Variants in HELLS observed in about 807,000 individuals in gnomAD.
The protein encoded by HELLS is helicase, lymphoid specific, also known as lymphoid-specific helicase.
HELLS carries 32 observed loss-of-function variants against 120.0 expected under a neutral mutation model. That is an observed-to-expected ratio of 0.27 (90% CI 0.20 to 0.36). HELLS has a LOEUF of 0.36. Among genes scored for constraint, HELLS ranks in the 10% least tolerant of loss-of-function variants. The pLI is 1.00. For synonymous variants in HELLS, 341 were observed against 323.4 expected (o/e 1.05, Z -0.58); for missense variants, 650 against 993.4 (o/e 0.65, Z 4.65).
intron 10 of HELLS, among the ~76,000 whole-genome samples, chr10:94,579,605 G>C (rs138667754): frequency 6.6e-6 from 1 of 151,424 alleles, no homozygotes; most frequent in East Asian, 1.9e-4. Context: ...CCTGTGGCAC[G>C]ATCTCAGCTC....
At chr10:94,599,010 A>C (rs1388410692) in intron 21 of HELLS, among the ~76,000 whole-genome samples, 1 of 152,032 alleles carries the variant, frequency 6.6e-6, no homozygotes, top group Non-Finnish European at 1.5e-5. Flanking sequence ...ATTCTGTCCC[A>C]TTGATCTCTG....
At chr10:94,608,860 C>T (rs1053111783) in intron 9 of HELLS, among the ~76,000 whole-genome samples, 1 of 152,016 alleles carries the variant, frequency 6.6e-6, no homozygotes, top group Non-Finnish European at 1.5e-5. Flanking sequence ...GTTGCAACTT[C>T]TGGCGGCTGC....
downstream of HELLS, among the ~76,000 whole-genome samples, chr10:94,604,034 G>T (rs1480901928): frequency 6.6e-6 from 1 of 151,430 alleles, no homozygotes; most frequent in Non-Finnish European, 1.5e-5. Flanking sequence ...CACCATGTTG[G>T]TAAGGCTGGT....
chr10:94,574,655 A>G lies in HELLS; in HGVS notation c.807A>G (p.Gly269=), dbSNP rs762500880. The change falls in exon 9 of 22, where the codon GGA becomes GGG. Residue 269 remains glycine, a synonymous_variant. Transcript: ENST00000348459. ...IATIALMIQR[G]VPGPFLVCGP... is the part of the protein sequence containing the mutation. ...CTATTGCATTGATGATTCAGAGAGGAGTACCAGGACCTTTTCTTGTCTGTG... is the reference window on the plus strand; with the variant it reads ...CTATTGCATTGATGATTCAGAGAGGGGTACCAGGACCTTTTCTTGTCTGTG... 1.2e-6 allele frequency: 2 copies of G among 1,613,852 alleles called. No individual in the cohort carries two copies. Among genetic ancestry groups the G allele is most frequent in the Non-Finnish European group, 8.5e-7 (1 of 1,179,812 alleles).
intron 7 of HELLS, among the ~76,000 whole-genome samples, chr10:94,572,566 C>T (rs547095010): frequency 6.6e-6 from 1 of 152,322 alleles, no homozygotes; most frequent in South Asian, 2.1e-4. Context: ...ACAATTTTCT[C>T]ATCCATCCCC....
intron 6 of HELLS, among the ~76,000 whole-genome samples, chr10:94,568,441 A>T (rs1470434715): frequency 6.6e-6 from 1 of 152,112 alleles, no homozygotes; most frequent in Admixed American, 6.6e-5. Context: ...TTAGGAGGTT[A>T]TCTGAATTTC....
rs1158595486 is a variant in HELLS, at chr10:94,590,487, A to G, written c.1563A>G (p.Ile521Met). ...RTRKSINYSK[I>M]DDFPNELEKL... is the part of the protein sequence containing the mutation. The stretch of plus-strand genomic sequence containing the variant: ...GAAAATCAATAAATTACAGCAAAAT[A>G]GATGATTTCCCTAATGAATTGGAAA... Residue 521 changes from isoleucine to methionine, a missense_variant, in exon 14 of 22, where the codon ATA becomes ATG. By Grantham distance (10) the Ile-to-Met change is conservative. Coordinates refer to ENST00000348459, the MANE Select transcript of HELLS (RefSeq NM_018063.5). The G allele has an allele frequency of 1.9e-6, 3 of 1,612,632 alleles. No homozygotes were observed. The highest frequency in any genetic ancestry group is 3.4e-5 in the Admixed American group (2 of 59,670).
chr10:94,575,769 GTTTGTGTGT>G, intron 9 of HELLS, among the ~76,000 whole-genome samples: 1 of 89,760 alleles, frequency 1.1e-5, no homozygotes, highest in East Asian at 4.3e-4. Context: ...GGGGGGTTGT[GTTTGTGTGT>G]GTGTGTGTGT....
chr10:94,553,407 T>G (rs929502413), intron 2 of HELLS, among the ~76,000 whole-genome samples: 1 of 143,400 alleles, frequency 7.0e-6, no homozygotes, highest in African/African-American at 2.6e-5. Flanking sequence ...CGCCACCACG[T>G]CCTGCTAATT....
intron 3 of HELLS, among the ~76,000 whole-genome samples, chr10:94,555,620 ATCTTTCTTTCTT>A (rs957863203): frequency 2.0e-5 from 3 of 151,684 alleles, no homozygotes. Flanking sequence ...ATATGTTGTA[ATCTTTCTTTCTT>A]TCTTTCTTTT....
At chr10:94,591,930 G>C (rs986940004) in intron 15 of HELLS, among the ~76,000 whole-genome samples, 1 of 152,196 alleles carries the variant, frequency 6.6e-6, no homozygotes, top group Admixed American at 6.5e-5. Flanking sequence ...ATAAGCCTGA[G>C]TATGTACCCA....
chr10:94,604,160 C>T (rs117473317), downstream of HELLS, among the ~76,000 whole-genome samples: 4,214 of 144,922 alleles, frequency 0.029, 94 homozygotes, highest in South Asian at 0.046. Flanking sequence ...AGTTTCACTT[C>T]GTCACCTGGG....
intron 6 of HELLS, among the ~76,000 whole-genome samples, chr10:94,565,678 G>A (rs1843755832): frequency 2.0e-5 from 3 of 152,146 alleles, no homozygotes. Flanking sequence ...CAACAAGAGT[G>A]AAATTCCATC....
At chr10:94,605,558 T>A (rs1206506168), downstream of HELLS, among the ~76,000 whole-genome samples, 1 of 152,060 alleles carries the variant, frequency 6.6e-6, no homozygotes, top group African/African-American at 2.4e-5. Context: ...GATTTTAGAG[T>A]AGGAATTATT....
At chr10:94,571,198 C>A in intron 6 of HELLS, 190 bp from the exon 7 acceptor site, 1 of 444,390 alleles carries the variant, frequency 2.3e-6, no homozygotes. Flanking sequence ...CCAAATTAGC[C>A]TAGAATGTTA....
At position 94,574,091 on chromosome 10, in the gene HELLS, G is replaced by T; in HGVS notation, c.609G>T (p.Arg203=). 6.2e-7 allele frequency: 1 copy of T among 1,614,000 alleles called. No homozygotes were observed. Among genetic ancestry groups the T allele is most frequent in the Non-Finnish European group, 8.5e-7 (1 of 1,179,936 alleles). ...CTAAATTCTTTTTTGACCCAGTCCG[G>T]AAGTGTAATGGTCAGCCAGTACCTT... ...QNTKFFFDPV[R]KCNGQPVPFQ... The change falls in exon 8 of 22, where the codon CGG becomes CGT. Residue 203 remains arginine, a synonymous_variant. Transcript: ENST00000348459.
chr10:94,590,372 A>G, intron 13 of HELLS, 41 bp from the exon 14 acceptor site: 1 of 1,549,554 alleles, frequency 6.5e-7, no homozygotes, highest in South Asian at 1.2e-5. Flanking sequence ...CTAAGGACAT[A>G]GCTTTATAAA....
At chr10:94,587,036 A>G (rs1281708544) in intron 12 of HELLS, among the ~76,000 whole-genome samples, 4 of 152,024 alleles carry the variant, frequency 2.6e-5, no homozygotes, top group Non-Finnish European at 4.4e-5. Flanking sequence ...GTGCTCTTTT[A>G]GTGACCCGAA....
chr10:94,551,153 T>C (rs1396842871), intron 2 of HELLS, among the ~76,000 whole-genome samples: 2 of 152,250 alleles, frequency 1.3e-5, no homozygotes, highest in African/African-American at 4.8e-5. Flanking sequence ...AAGAATTATC[T>C]GTGTAGGTGG....
Sources: allele counts gnomAD v4.1 joint callset (sites outside exome capture counted in the v4.1 genomes callset), GRCh38; gene constraint gnomAD v4.1.1; transcripts MANE v1.5; gene names NCBI Gene and HGNC (gene_info 2026-07-23, HGNC 2026-07-21).